The following DNAH2 variants were observed in gnomAD, a reference collection of about 807,000 sequenced individuals.
DNAH2 encodes the protein dynein axonemal heavy chain 2, also known as axonemal beta dynein heavy chain 2.
Under a neutral mutation model 523.5 loss-of-function variants are expected in DNAH2, and 323 were observed. That is an observed-to-expected ratio of 0.62 (90% confidence interval 0.56 to 0.68). The LOEUF is 0.68. Among genes scored for constraint, DNAH2 ranks in the 30% least tolerant of loss-of-function variants. The pLI, the probability that DNAH2 is intolerant of heterozygous loss-of-function variation, is 0.00. For missense variants in DNAH2, 4,907 were observed against 5,701.5 expected (o/e 0.86, Z 4.49); for synonymous variants, 2,093 against 2,177.4 (o/e 0.96, Z 1.08).
intron 13 of DNAH2, among the ~76,000 whole-genome samples, chr17:7,758,141 G>A (rs1479306947): frequency 6.6e-6 from 1 of 152,154 alleles, no homozygotes; most frequent in Non-Finnish European, 1.5e-5. Context: ...CTATTTCCAT[G>A]TAAATTAAGT....
chr17:7,759,915 G>A lies in DNAH2; in HGVS notation c.2762G>A (p.Arg921His), dbSNP rs756325843. The change falls in exon 17 of 86, where the codon CGT (arginine) becomes CAT (histidine). Residue 921 changes from arginine (R) to histidine (H), a missense_variant. Physicochemically the swap from Arg to His is conservative, Grantham distance 29. This residue lies in a region of DNAH2 where 2,806 missense variants were observed against 3,190.8 expected (regional missense o/e 0.88). Transcript: ENST00000572933. ...PDILTKRKLH[R>H]EPIQTVVEQD... is the part of the protein sequence containing the mutation. ...ATTCTCACCAAGCGCAAGTTACATC[G>A]TGAACCCATCCAAACAGTTGTGGGT... 36 of 1,614,030 alleles carry A rather than the reference G, an allele frequency of 2.2e-5. No homozygotes were observed. Among genetic ancestry groups the A allele is most frequent in the Admixed American group, 5.0e-5 (3 of 59,974 alleles).
intron 64 of DNAH2, 143 bp from the exon 65 acceptor site, chr17:7,817,147 G>T (rs1173706631): frequency 8.6e-6 from 10 of 1,156,244 alleles, no homozygotes; most frequent in Non-Finnish European, 1.2e-5. Context: ...CCAGGCTAGA[G>T]TTGTCAGGAC....
Position 7,818,433 on chromosome 17 carries a change from C to A in DNAH2, c.10509C>A (p.Thr3503=), listed in dbSNP as rs2077748002. 4 of 1,614,120 alleles carry A rather than the reference C, an allele frequency of 2.5e-6. No homozygotes were observed. Among genetic ancestry groups the A allele is most frequent in the Non-Finnish European group, 2.5e-6 (3 of 1,180,050 alleles). Residue 3503 remains threonine, a synonymous_variant, in exon 69 of 86, where the codon ACC becomes ACA. Coordinates refer to ENST00000572933, the MANE Select transcript of DNAH2 (RefSeq NM_020877.5). ...HYSPETSAKT[T]IVNFAVKEQG... Reference sequence around the variant, plus strand: ...GCCCAGAGACCTCAGCCAAGACCACCATCGTCAACTTTGCTGTTAAAGAAC... The same window carrying A: ...GCCCAGAGACCTCAGCCAAGACCACAATCGTCAACTTTGCTGTTAAAGAAC...
rs776494937 is a variant in DNAH2 at position 7,823,579 on chromosome 17, C to A, written c.11280C>A (p.Asp3760Glu). The change falls in exon 74 of 86, where the codon GAC (aspartate) becomes GAA (glutamate). Residue 3760 changes from aspartate to glutamate, a missense_variant. Coordinates refer to ENST00000572933, the MANE Select transcript of DNAH2 (RefSeq NM_020877.5). Reference sequence around the variant, plus strand: ...ACTCCTTTGAGCAGTACCCTCGTGACTGGCACCTGTGGTATACCAATGCTG... The same window carrying A: ...ACTCCTTTGAGCAGTACCCTCGTGAATGGCACCTGTGGTATACCAATGCTG... ...LMNSFEQYPRDWHLWYTNAAP... is the reference protein window; with the variant it reads ...LMNSFEQYPREWHLWYTNAAP... 3 of 1,614,204 alleles carry A rather than the reference C, an allele frequency of 1.9e-6. No homozygotes were observed. The highest frequency in any genetic ancestry group is 2.5e-6 in the Non-Finnish European group (3 of 1,180,038).
chr17:7,810,913 T>C (rs2077499513), intron 63 of DNAH2, among the ~76,000 whole-genome samples: 1 of 152,172 alleles, frequency 6.6e-6, no homozygotes, highest in African/African-American at 2.4e-5. Flanking sequence ...TTTGAGTAAA[T>C]AGCTTTAGCC....
chr17:7,719,740 C>G lies in DNAH2; in HGVS notation c.6C>G (p.Ser2=). ...CTGTAGGTTTTGCCTGCACGATGTC[C>G]AGCAAAGCTGAGAAGAAGCAGCGAT... M[S]SKAEKKQRLS... The change falls in exon 2 of 86, where the codon TCC becomes TCG. Residue 2 remains serine, a synonymous_variant. Coordinates refer to ENST00000572933, the MANE Select transcript of DNAH2 (RefSeq NM_020877.5). The G allele has an allele frequency of 6.2e-7, 1 of 1,614,198 alleles. No homozygotes were observed. The highest frequency in any genetic ancestry group is 8.5e-7 in the Non-Finnish European group (1 of 1,180,042).
At chr17:7,742,360 G>A (rs1597501006) in intron 11 of DNAH2, among the ~76,000 whole-genome samples, 1 of 152,184 alleles carries the variant, frequency 6.6e-6, no homozygotes. Context: ...GAACCCTGGA[G>A]GCAGAAGTTG....
intron 48 of DNAH2, among the ~76,000 whole-genome samples, chr17:7,793,536 TTTTC>T (rs201628520): frequency 7.7e-6 from 1 of 130,386 alleles, no homozygotes; most frequent in Non-Finnish European, 1.8e-5. Flanking sequence ...CTTTCTTTCT[TTTTC>T]TTTCTTCTCT....
intron 64 of DNAH2, 112 bp downstream of exon 64, chr17:7,816,847 G>A (rs2077683527): frequency 7.3e-7 from 1 of 1,377,752 alleles, no homozygotes; most frequent in East Asian, 2.4e-5. Flanking sequence ...CTGGGTATAG[G>A]GAACTCTAAG....
intron 48 of DNAH2, among the ~76,000 whole-genome samples, chr17:7,793,526 C>T (rs62059691): frequency 0.022 from 2,637 of 121,202 alleles, 76 homozygotes; most frequent in Non-Finnish European, 0.034. Context: ...TTCTCTTTCT[C>T]TTTCTTTCTT....
At chr17:7,796,249 A>G (rs534214928) in intron 49 of DNAH2, among the ~76,000 whole-genome samples, 2 of 151,954 alleles carry the variant, frequency 1.3e-5, no homozygotes, top group East Asian at 3.9e-4. Flanking sequence ...GAGTTTCTCC[A>G]TGTTGGTCAG....
intron 56 of DNAH2, among the ~76,000 whole-genome samples, chr17:7,800,710 C>CA (rs57341179): frequency 6.7e-6 from 1 of 149,698 alleles, no homozygotes; most frequent in Non-Finnish European, 1.5e-5. Context: ...ACTAAAAATA[C>CA]AAAAAAATTA....
chr17:7,808,530 AG>A (rs1253241926), intron 63 of DNAH2, among the ~76,000 whole-genome samples: 1 of 152,218 alleles, frequency 6.6e-6, no homozygotes, highest in Non-Finnish European at 1.5e-5. Context: ...AAGGTAATAC[AG>A]TTACATGGTT....
intron 48 of DNAH2, among the ~76,000 whole-genome samples, chr17:7,793,627 G>A (rs1406510015): frequency 6.6e-6 from 1 of 150,958 alleles, no homozygotes; most frequent in African/African-American, 2.4e-5. Flanking sequence ...GGGGTGCCGG[G>A]TTAATTTTAT....
At chr17:7,775,414 A>G in intron 30 of DNAH2, 72 bp downstream of exon 30, 4 of 1,423,286 alleles carry the variant, frequency 2.8e-6, no homozygotes, top group Non-Finnish European at 2.9e-6. Flanking sequence ...GGTCGGGCGC[A>G]GTGGCTCACA....
At chr17:7,742,793 A>G (rs1244362172) in intron 11 of DNAH2, 135 bp from the exon 12 acceptor site, 5 of 524,764 alleles carry the variant, frequency 9.5e-6, no homozygotes, top group Admixed American at 8.7e-5. Flanking sequence ...TCAAAACTCA[A>G]TCCATCTCCA....
intron 39 of DNAH2, among the ~76,000 whole-genome samples, chr17:7,781,975 A>G (rs910175794): frequency 8.5e-5 from 13 of 152,212 alleles, no homozygotes; most frequent in Non-Finnish European, 1.5e-4. Flanking sequence ...TACTAAAATG[A>G]TGGATAAAAA....
At chr17:7,787,729 T>G in intron 42 of DNAH2, 131 bp from the exon 43 acceptor site, 4 of 1,256,804 alleles carry the variant, frequency 3.2e-6, no homozygotes, top group East Asian at 2.5e-5. Context: ...GAGTGAGACT[T>G]TGTCTTAAAA....
chr17:7,720,867 A>G (rs1451892829), intron 2 of DNAH2, among the ~76,000 whole-genome samples: 1 of 152,062 alleles, frequency 6.6e-6, no homozygotes, highest in Non-Finnish European at 1.5e-5. Flanking sequence ...GTAGGGGAAG[A>G]TGGGAGGGAA....
Sources: allele counts gnomAD v4.1 joint callset (sites outside exome capture counted in the v4.1 genomes callset), GRCh38; gene constraint gnomAD v4.1.1; regional missense constraint gnomAD v4.1.1; transcripts MANE v1.5; gene names NCBI Gene and HGNC (gene_info 2026-07-23, HGNC 2026-07-21).